The following ARHGAP15 variants were observed in gnomAD, a reference collection of about 807,000 sequenced individuals.
The protein encoded by ARHGAP15 is rho GTPase-activating protein 15.
A neutral mutation model predicts 63.7 loss-of-function variants in ARHGAP15; 51 were observed. That is an observed-to-expected ratio of 0.80 (90% CI 0.64 to 1.01). The LOEUF (loss-of-function observed/expected upper bound fraction) is 1.01, where lower values mean the gene tolerates loss of function less well. Ranked by LOEUF, ARHGAP15 falls within the 50% of genes least tolerant of loss-of-function variation. The pLI, the probability that ARHGAP15 is intolerant of heterozygous loss-of-function variation, is 0.00. For missense variants in ARHGAP15, 560 were observed against 564.6 expected (o/e 0.99, Z 0.08); for synonymous variants, 191 against 193.8 (o/e 0.99, Z 0.12).
intron 3 of ARHGAP15, among the ~76,000 whole-genome samples, chr2:143,207,056 T>A (rs1009569314): frequency 6.6e-6 from 1 of 151,490 alleles, no homozygotes; most frequent in African/African-American, 2.4e-5. Flanking sequence ...ATTTAAAAAA[T>A]TAATTTTTAT....
intron 6 of ARHGAP15, among the ~76,000 whole-genome samples, chr2:143,355,309 C>T (rs190702346): frequency 1.5e-4 from 23 of 152,176 alleles, no homozygotes; most frequent in Admixed American, 2.6e-4. Flanking sequence ...CCTAGACTTT[C>T]GGTTAACTTT....
At chr2:143,256,710 C>T (rs1333760869) in intron 6 of ARHGAP15, among the ~76,000 whole-genome samples, 1 of 152,048 alleles carries the variant, frequency 6.6e-6, no homozygotes, top group Non-Finnish European at 1.5e-5. Flanking sequence ...TGTTTAGCTT[C>T]ACTTTTGTTG....
chr2:143,663,801 G>C (rs1361245944), intron 12 of ARHGAP15, among the ~76,000 whole-genome samples: 2 of 151,970 alleles, frequency 1.3e-5, no homozygotes, highest in Non-Finnish European at 2.9e-5. Flanking sequence ...AACCAACAAA[G>C]ATCAAAAGGG....
At chr2:143,306,450 C>T (rs1044485095) in intron 6 of ARHGAP15, among the ~76,000 whole-genome samples, 1 of 152,142 alleles carries the variant, frequency 6.6e-6, no homozygotes, top group Non-Finnish European at 1.5e-5. Context: ...CCACACATAT[C>T]GATTATATCT....
At chr2:143,727,847 A>AT (rs1177249251) in intron 13 of ARHGAP15, among the ~76,000 whole-genome samples, 1 of 152,034 alleles carries the variant, frequency 6.6e-6, no homozygotes, top group East Asian at 1.9e-4. Context: ...TCTGGTGCTT[A>AT]TTTTTCTTGT....
chr2:143,454,627 A>G (rs1690561298), intron 8 of ARHGAP15, among the ~76,000 whole-genome samples: 1 of 152,084 alleles, frequency 6.6e-6, no homozygotes, highest in South Asian at 2.1e-4. Context: ...ACCAACAAAG[A>G]TGCAAGTTGC....
At chr2:143,660,808 C>A (rs889238341) in intron 12 of ARHGAP15, among the ~76,000 whole-genome samples, 5 of 152,214 alleles carry the variant, frequency 3.3e-5, no homozygotes, top group Non-Finnish European at 5.9e-5. Context: ...TGATGGCCAG[C>A]AAATAACACA....
chr2:143,419,461 T>TATCACGACAAAATGTGGAAAC, intron 6 of ARHGAP15, among the ~76,000 whole-genome samples: 1 of 151,994 alleles, frequency 6.6e-6, no homozygotes, highest in African/African-American at 2.4e-5. Context: ...TGGGTTTATT[T>TATCACGACAAAATGTGGAAAC]AACTAAATTG....
intron 13 of ARHGAP15, among the ~76,000 whole-genome samples, chr2:143,707,464 G>A (rs1009902737): frequency 6.6e-6 from 1 of 152,214 alleles, no homozygotes; most frequent in Admixed American, 6.5e-5. Context: ...AGATGACGAG[G>A]TTGTAGCAAA....
At chr2:143,281,170 G>C (rs1441191909) in intron 6 of ARHGAP15, among the ~76,000 whole-genome samples, 3 of 152,114 alleles carry the variant, frequency 2.0e-5, no homozygotes, top group South Asian at 2.1e-4. Flanking sequence ...GAGCTAGGGC[G>C]ATCTATTTAT....
chr2:143,431,823 C>T (rs1000211312), intron 6 of ARHGAP15, among the ~76,000 whole-genome samples: 2 of 151,952 alleles, frequency 1.3e-5, no homozygotes, highest in African/African-American at 2.4e-5. Flanking sequence ...CTGTCATGAA[C>T]GCATCCTCTC....
Position 143,487,407 on chromosome 2 carries a change from C to T in ARHGAP15, c.738C>T (p.Ser246=), listed in dbSNP as rs200906734. The change falls in exon 9 of 14, where the codon AGC becomes AGT. Residue 246 remains serine, a synonymous_variant. Transcript: ENST00000295095. The stretch of plus-strand genomic sequence containing the variant: ...TGCATCACAGTGCTTCCGATACAAG[C>T]GACAAAAATCGAGTTAAAAGCAGAT... ...FRLHHSASDT[S]DKNRVKSRLK... is the part of the protein sequence containing the mutation. 46 of 1,613,482 alleles carry T rather than the reference C, an allele frequency of 2.9e-5. 2 individuals are homozygous for T. The highest frequency in any genetic ancestry group is 2.7e-4 in the South Asian group (25 of 90,994).
intron 6 of ARHGAP15, among the ~76,000 whole-genome samples, chr2:143,371,595 G>T (rs1686556841): frequency 6.6e-6 from 1 of 152,016 alleles, no homozygotes; most frequent in Non-Finnish European, 1.5e-5. Context: ...GATTTGGTTT[G>T]GTAATAATCC....
chr2:143,305,776 C>G (rs1222700005), intron 6 of ARHGAP15, among the ~76,000 whole-genome samples: 1 of 152,008 alleles, frequency 6.6e-6, no homozygotes, highest in Non-Finnish European at 1.5e-5. Context: ...TAAAGTGAAG[C>G]AAGTAGCATG....
intron 6 of ARHGAP15, among the ~76,000 whole-genome samples, chr2:143,421,909 G>C (rs1301123201): frequency 6.6e-6 from 1 of 151,682 alleles, no homozygotes; most frequent in Non-Finnish European, 1.5e-5. Flanking sequence ...GGGGGGGAGA[G>C]AGAGCAAGAA....
chr2:143,382,932 T>C (rs995090048), intron 6 of ARHGAP15, among the ~76,000 whole-genome samples: 3 of 152,162 alleles, frequency 2.0e-5, no homozygotes, highest in African/African-American at 7.2e-5. Context: ...GTGAACTGTA[T>C]AAAATTTGCT....
intron 8 of ARHGAP15, among the ~76,000 whole-genome samples, chr2:143,474,509 C>T (rs530554542): frequency 2.6e-5 from 4 of 152,206 alleles, no homozygotes; most frequent in South Asian, 4.2e-4. Context: ...GTGGGCACCT[C>T]GAACAACAGA....
At chr2:143,145,842 GTGTGT>G (rs1558773773) in intron 1 of ARHGAP15, among the ~76,000 whole-genome samples, 7 of 3,860 alleles carry the variant, frequency 1.8e-3, no homozygotes, top group South Asian at 0.015. Flanking sequence ...GTATAGGGGT[GTGTGT>G]GTGTGTGTGT....
chr2:143,576,757 C>T (rs1020873275), intron 11 of ARHGAP15, among the ~76,000 whole-genome samples: 7 of 152,026 alleles, frequency 4.6e-5, no homozygotes, highest in Admixed American at 6.6e-5. Context: ...TTTTACTTAA[C>T]AATTTTACCA....
Sources: allele counts gnomAD v4.1 joint callset (sites outside exome capture counted in the v4.1 genomes callset), GRCh38; gene constraint gnomAD v4.1.1; transcripts MANE v1.5; gene names NCBI Gene and HGNC (gene_info 2026-07-23, HGNC 2026-07-21).